Variants in MBOAT1 observed in about 807,000 individuals in gnomAD.
MBOAT1 encodes the protein membrane-bound glycerophospholipid O-acyltransferase 1.
Under a neutral mutation model 64.4 loss-of-function variants are expected in MBOAT1, and 67 were observed. The ratio of observed to expected loss-of-function variants is 1.04; its 90% CI spans 0.85 to 1.27. The LOEUF (loss-of-function observed/expected upper bound fraction) is 1.27. Among genes scored for constraint, MBOAT1 ranks in the 50% most tolerant of loss-of-function variants. MBOAT1 has a pLI of 0.00. For synonymous variants in MBOAT1, 229 were observed against 218.9 expected (o/e 1.05, Z -0.41); for missense variants, 563 against 604.6 (o/e 0.93, Z 0.72).
chr6:20,158,626 A>G (rs1761763713), intron 1 of MBOAT1, among the ~76,000 whole-genome samples: 1 of 152,254 alleles, frequency 6.6e-6, no homozygotes, highest in Non-Finnish European at 1.5e-5. Flanking sequence ...AAAAATTAAC[A>G]GAGTAAAGAG....
Position 20,118,511 on chromosome 6 carries a change from C to G in MBOAT1, c.937G>C (p.Gly313Arg), listed in dbSNP as rs1561749110. 1.2e-6 allele frequency: 2 copies of G among 1,613,990 alleles called. No homozygotes were observed. The highest frequency in any genetic ancestry group is 8.5e-7 in the Non-Finnish European group (1 of 1,180,024). ...CCATTCTTATCCACTCCGCTGAACC[C>G]AAAGCCAGCTGCGTTATTCACTGCA... ...ADAVNNAAGF[G>R]FSGVDKNGNF... The change falls in exon 9 of 13, where the codon GGG (glycine) becomes CGG (arginine). Residue 313 changes from glycine (G) to arginine (R), a missense_variant. Transcript: ENST00000324607.
At chr6:20,154,305 G>A (rs543617414) in intron 1 of MBOAT1, among the ~76,000 whole-genome samples, 1 of 152,318 alleles carries the variant, frequency 6.6e-6, no homozygotes. Flanking sequence ...GCCGAGGCGG[G>A]CAGGTCACCT....
intron 4 of MBOAT1, among the ~76,000 whole-genome samples, chr6:20,142,829 G>A (rs1761218786): frequency 6.6e-6 from 1 of 152,184 alleles, no homozygotes; most frequent in South Asian, 2.1e-4. Context: ...GGCGGAGAGG[G>A]CACACCACTG....
chr6:20,138,971 A>G (rs1761085333), intron 4 of MBOAT1, among the ~76,000 whole-genome samples: 1 of 152,066 alleles, frequency 6.6e-6, no homozygotes, highest in Admixed American at 6.5e-5. Context: ...TTGCGTCTGC[A>G]TTACTCCAAT....
intron 1 of MBOAT1, among the ~76,000 whole-genome samples, chr6:20,202,606 CT>C (rs60318364): frequency 0.096 from 13,483 of 140,658 alleles, 668 homozygotes; most frequent in Non-Finnish European, 0.13. Context: ...TTATCAAGGG[CT>C]TTTTTTTTTT....
chr6:20,173,472 T>C (rs1762259074), intron 1 of MBOAT1, among the ~76,000 whole-genome samples: 1 of 152,222 alleles, frequency 6.6e-6, no homozygotes, highest in African/African-American at 2.4e-5. Context: ...ATGGAAATAT[T>C]TTATCAGAAA....
intron 4 of MBOAT1, among the ~76,000 whole-genome samples, chr6:20,132,761 AC>A (rs1277504076): frequency 2.0e-5 from 3 of 152,240 alleles, no homozygotes; most frequent in Admixed American, 1.3e-4. Context: ...GACACACATC[AC>A]CCAAGAAAGT....
intron 1 of MBOAT1, among the ~76,000 whole-genome samples, chr6:20,193,067 G>A (rs1319101174): frequency 7.3e-6 from 1 of 137,514 alleles, no homozygotes; most frequent in East Asian, 2.2e-4. Flanking sequence ...GTGCAGTGGC[G>A]AGATCTCGGC....
At chr6:20,137,703 G>A (rs1761038172) in intron 4 of MBOAT1, among the ~76,000 whole-genome samples, 1 of 135,418 alleles carries the variant, frequency 7.4e-6, no homozygotes, top group East Asian at 2.1e-4. Flanking sequence ...AAGTTTATGT[G>A]TTCCCCAAAA....
At chr6:20,118,301 A>T in intron 9 of MBOAT1, 136 bp downstream of exon 9, 1 of 679,576 alleles carries the variant, frequency 1.5e-6, no homozygotes, top group South Asian at 1.7e-5. Context: ...AATGTCCAGT[A>T]GGCTGCTGAG....
At chr6:20,172,577 G>A (rs752437867) in intron 1 of MBOAT1, among the ~76,000 whole-genome samples, 4 of 152,110 alleles carry the variant, frequency 2.6e-5, no homozygotes, top group African/African-American at 7.2e-5. Context: ...TGTGATGTCA[G>A]CCTTTTTGCC....
In MBOAT1 at chr6:20,109,596, A is replaced by G; in HGVS notation, c.1361+2T>C. ...TGGCAACTGAGAACAACGGAAACTTACTTGTATAAGCTGATGGTCGGTTCA... is the reference window on the plus strand; with the variant it reads ...TGGCAACTGAGAACAACGGAAACTTGCTTGTATAAGCTGATGGTCGGTTCA... On this transcript the variant is annotated splice_donor_variant, in intron 12 of 12. Transcript: ENST00000324607. LOFTEE classifies it high-confidence loss of function. 6.2e-7 allele frequency: 1 copy of G among 1,607,698 alleles called. No homozygotes were observed. Among genetic ancestry groups the G allele is most frequent in the Non-Finnish European group, 8.5e-7 (1 of 1,176,078 alleles).
intron 1 of MBOAT1, among the ~76,000 whole-genome samples, chr6:20,193,005 T>TC (rs1762848912): frequency 1.1e-5 from 1 of 95,028 alleles, no homozygotes; most frequent in African/African-American, 3.5e-5. Flanking sequence ...CTTTTTTTTT[T>TC]TTTTTTTTTT....
In MBOAT1 at chr6:20,125,774, C is replaced by T. The variant is rs1477216288; in HGVS notation, c.714+743G>A. 8.9e-6 allele frequency: 3 copies of T among 338,776 alleles called. 1 individual carries two copies. The highest frequency in any genetic ancestry group is 7.1e-5 in the South Asian group (3 of 41,986). 21.0% of individuals were successfully genotyped at this position (338,776 alleles called of 1,614,324 possible). ...AAAAACTCATACCTAATTAATAAAT[C>T]CCTTAAGTTTTCAAATACTTAACTC... On this transcript the variant is annotated intron_variant, in intron 7 of 12. Transcript: ENST00000324607.
chr6:20,110,559 C>T (rs1378860465), intron 11 of MBOAT1, among the ~76,000 whole-genome samples: 2 of 151,468 alleles, frequency 1.3e-5, no homozygotes, highest in Non-Finnish European at 2.9e-5. Context: ...AATATGTGTT[C>T]ACTGTAGAAA....
At chr6:20,169,835 C>A (rs1475095946) in intron 1 of MBOAT1, among the ~76,000 whole-genome samples, 1 of 152,206 alleles carries the variant, frequency 6.6e-6, no homozygotes, top group Non-Finnish European at 1.5e-5. Flanking sequence ...TTTAACCCCA[C>A]AGAATCTCTA....
chr6:20,211,542 C>A (rs1763418214), intron 1 of MBOAT1, among the ~76,000 whole-genome samples: 1 of 152,136 alleles, frequency 6.6e-6, no homozygotes, highest in Non-Finnish European at 1.5e-5. Flanking sequence ...CCTCTCCTCC[C>A]CCTAACCTGT....
chr6:20,196,250 T>C (rs1386002468), intron 1 of MBOAT1, among the ~76,000 whole-genome samples: 1 of 152,244 alleles, frequency 6.6e-6, no homozygotes, highest in South Asian at 2.1e-4. Context: ...ACTTTAAATC[T>C]GGTCTCAAAA....
chr6:20,109,721 AG>A lies in MBOAT1; in HGVS notation c.1237del (p.Leu413PhefsTer26), dbSNP rs772380893. On this transcript the variant is annotated frameshift_variant, in exon 12 of 13. Coordinates refer to ENST00000324607, the MANE Select transcript of MBOAT1 (RefSeq NM_001080480.3). LOFTEE classifies it high-confidence loss of function. ...CACAGCCTTGAGAGCTCTTGAAGAA[AG>A]GAAGTAATGTCTGTAGTTGTTCCTG... ...AVRNNYRHYF[L>X]SSRALKAVYD... 1.9e-6 allele frequency: 3 copies of A among 1,613,994 alleles called. No individual in the cohort carries two copies. The highest frequency in any genetic ancestry group is 2.5e-6 in the Non-Finnish European group (3 of 1,180,000).
Sources: gnomAD v4.1 joint callset for allele counts (sites outside exome capture counted in the v4.1 genomes callset) on GRCh38, gnomAD v4.1.1 for gene constraint, MANE v1.5 for transcripts, NCBI Gene and HGNC (gene_info 2026-07-23, HGNC 2026-07-21) for gene names.